HTR4: variants seen among roughly 807,000 people sequenced by gnomAD.
HTR4 encodes 5-hydroxytryptamine (serotonin) receptor 4, G protein-coupled.
Under a neutral mutation model 36.8 loss-of-function variants are expected in HTR4, and 16 were observed. The observed-to-expected ratio is 0.43, with a 90% CI of 0.29 to 0.66. The LOEUF (loss-of-function observed/expected upper bound fraction) is 0.66. Ranked by LOEUF, HTR4 falls within the 30% of genes least tolerant of loss-of-function variation. The probability of loss-of-function intolerance (pLI) is 0.13; values close to 1 mark genes in which losing one functional copy is unlikely to be tolerated. For synonymous variants in HTR4, 189 were observed against 185.1 expected (o/e 1.02, Z -0.17); for missense variants, 438 against 490.9 (o/e 0.89, Z 1.02).
rs528981895 is a variant in HTR4, at chr5:148,654,509, G to A, written c.-495C>T. On this transcript the variant is annotated 5_prime_UTR_variant, in exon 1 of 7. Coordinates refer to ENST00000377888, the MANE Select transcript of HTR4 (RefSeq NM_000870.7). Reference sequence around the variant, plus strand: ...GGCTGGCCAGCACGCGCCCTCCCTGGCCGGAGCGCTGCTCATCTGATGGAG... The same window carrying A: ...GGCTGGCCAGCACGCGCCCTCCCTGACCGGAGCGCTGCTCATCTGATGGAG... The A allele has an allele frequency of 2.0e-6, 2 of 985,456 alleles. No individual in the cohort carries two copies. The highest frequency in any genetic ancestry group is 1.1e-4 in the East Asian group (1 of 8,800). 61.0% of individuals were successfully genotyped at this position (985,456 alleles called of 1,614,324 possible).
intron 6 of HTR4, among the ~76,000 whole-genome samples, chr5:148,506,804 C>G (rs4264932): frequency 0.45 from 68,897 of 151,742 alleles, 16,012 homozygotes; most frequent in African/African-American, 0.55. Context: ...CAGAGAAATG[C>G]AAATCAAAAC....
At chr5:148,648,287 C>G (rs77446260) in intron 1 of HTR4, among the ~76,000 whole-genome samples, 4,456 of 152,178 alleles carry the variant, frequency 0.029, 95 homozygotes, top group Middle Eastern at 0.065. Flanking sequence ...ATCTACTGTG[C>G]AGGTAGAAGA....
chr5:148,473,301 C>CAA (rs35164649), downstream of HTR4, among the ~76,000 whole-genome samples: 12,446 of 68,418 alleles, frequency 0.18, 1,601 homozygotes, highest in African/African-American at 0.37. Context: ...GACTCCATCT[C>CAA]AAAAAAAAAA....
intron 4 of HTR4, among the ~76,000 whole-genome samples, chr5:148,542,054 A>G (rs1022772985): frequency 6.6e-6 from 1 of 152,140 alleles, no homozygotes; most frequent in Non-Finnish European, 1.5e-5. Flanking sequence ...AAAAAGTTCC[A>G]TGATTCAGAG....
At chr5:148,549,016 T>G (rs1759541435) in intron 3 of HTR4, 148 bp from the exon 4 acceptor site, 1 of 654,532 alleles carries the variant, frequency 1.5e-6, no homozygotes, top group Non-Finnish European at 2.7e-6. Context: ...AAAAGTCACA[T>G]GCTTAGTGTA....
intron 4 of HTR4, among the ~76,000 whole-genome samples, chr5:148,536,477 A>T (rs994159689): frequency 6.6e-6 from 1 of 152,030 alleles, no homozygotes; most frequent in Non-Finnish European, 1.5e-5. Flanking sequence ...ACCCAATGGT[A>T]TGCTGTCTTA....
At chr5:148,454,252 G>A (rs575203182) in intron 5 of HTR4, among the ~76,000 whole-genome samples, 5 of 152,042 alleles carry the variant, frequency 3.3e-5, no homozygotes, top group Non-Finnish European at 7.4e-5. Flanking sequence ...TTTGCTCTGT[G>A]GATTAAATAA....
At chr5:148,564,972 T>G (rs1760373237) in intron 2 of HTR4, among the ~76,000 whole-genome samples, 2 of 151,932 alleles carry the variant, frequency 1.3e-5, no homozygotes, top group Non-Finnish European at 2.9e-5. Context: ...TAGCCAGGCA[T>G]GGTGGCAGGC....
intron 4 of HTR4, among the ~76,000 whole-genome samples, chr5:148,531,501 T>C (rs1264346688): frequency 2.0e-5 from 3 of 152,136 alleles, no homozygotes; most frequent in African/African-American, 7.2e-5. Flanking sequence ...GAATTGTGAG[T>C]CCATTAAACC....
At chr5:148,595,021 A>T (rs972152764) in intron 2 of HTR4, among the ~76,000 whole-genome samples, 12 of 152,190 alleles carry the variant, frequency 7.9e-5, no homozygotes, top group Admixed American at 7.9e-4. Context: ...AAAAGATAGA[A>T]ATCTTCAGAA....
intron 6 of HTR4, 94 bp from the exon 7 acceptor site, chr5:148,483,387 G>A (rs959745113): frequency 9.1e-7 from 1 of 1,098,098 alleles, no homozygotes; most frequent in East Asian, 2.6e-5. Context: ...GGAACACTCT[G>A]TGCCATGCAG....
At chr5:148,540,755 G>A (rs995409256) in intron 4 of HTR4, among the ~76,000 whole-genome samples, 1 of 151,892 alleles carries the variant, frequency 6.6e-6, no homozygotes, top group South Asian at 2.1e-4. Context: ...AAAGGGGTGA[G>A]GGAGAGACAA....
intron 1 of HTR4, among the ~76,000 whole-genome samples, chr5:148,641,644 T>C (rs1753731597): frequency 6.6e-6 from 1 of 152,232 alleles, no homozygotes; most frequent in Non-Finnish European, 1.5e-5. Flanking sequence ...GAGCTTCTTT[T>C]TCTTCACGGA....
chr5:148,508,462 C>T (rs532410557), intron 6 of HTR4, among the ~76,000 whole-genome samples: 1 of 152,300 alleles, frequency 6.6e-6, no homozygotes, highest in African/African-American at 2.4e-5. Context: ...CCTCCATCCA[C>T]TTATGTGACC....
chr5:148,580,693 G>A (rs1207370932), intron 2 of HTR4, among the ~76,000 whole-genome samples: 1 of 152,216 alleles, frequency 6.6e-6, no homozygotes, highest in East Asian at 1.9e-4. Context: ...TGCCACAAAT[G>A]TTAGGTTTTT....
intron 5 of HTR4, among the ~76,000 whole-genome samples, chr5:148,468,745 TC>T: frequency 6.6e-6 from 1 of 152,226 alleles, no homozygotes; most frequent in Admixed American, 6.5e-5. Flanking sequence ...CTGTGTCCCC[TC>T]CCAAATCTCA....
At chr5:148,635,050 C>A (rs11950264) in intron 2 of HTR4, among the ~76,000 whole-genome samples, 3,372 of 151,874 alleles carry the variant, frequency 0.022, 144 homozygotes, top group African/African-American at 0.078. Context: ...TATAAAAATG[C>A]ATAATATTTT....
intron 2 of HTR4, among the ~76,000 whole-genome samples, chr5:148,570,701 A>C (rs958619970): frequency 2.0e-5 from 3 of 152,086 alleles, no homozygotes; most frequent in African/African-American, 7.2e-5. Context: ...GTATTTATGT[A>C]TTATCATTAA....
chr5:148,457,875 T>C (rs1755142992), intron 5 of HTR4, among the ~76,000 whole-genome samples: 1 of 136,492 alleles, frequency 7.3e-6, no homozygotes, highest in East Asian at 2.0e-4. Context: ...TGATATATCA[T>C]TAAAATATTA....
Sources: gnomAD v4.1 joint callset for allele counts (sites outside exome capture counted in the v4.1 genomes callset) on GRCh38, gnomAD v4.1.1 for gene constraint, MANE v1.5 for transcripts, NCBI Gene and HGNC (gene_info 2026-07-23, HGNC 2026-07-21) for gene names.